LRRC42: variants seen among roughly 807,000 people sequenced by gnomAD.
The protein encoded by LRRC42 is leucine rich repeat containing 42.
Under a neutral mutation model 44.3 loss-of-function variants are expected in LRRC42, and 43 were observed. The observed-to-expected ratio is 0.97, with a 90% CI of 0.76 to 1.25. The LOEUF (loss-of-function observed/expected upper bound fraction) is 1.25, where lower values mean the gene tolerates loss of function less well. Ranked by LOEUF, LRRC42 falls within the 50% of genes most tolerant of loss-of-function variation. The pLI is 0.00. For missense variants in LRRC42, 540 were observed against 509.1 expected, an observed-to-expected ratio of 1.06 and a Z score of -0.58; for synonymous variants, 207 against 195.2, an observed-to-expected ratio of 1.06 and a Z score of -0.50.
intron 2 of LRRC42, among the ~76,000 whole-genome samples, chr1:53,950,807 A>G (rs1228641886): frequency 1.3e-5 from 2 of 152,238 alleles, no homozygotes; most frequent in African/African-American, 4.8e-5. Context: ...GAAATGCCCA[A>G]CTGTTTGACT....
At position 53,952,462 on chromosome 1, in the gene LRRC42, T is replaced by C. The variant is rs751305454; in HGVS notation, c.463T>C (p.Leu155=). ...YGSLVLCSLC[L]RNRYLVISEK... is the part of the protein sequence containing the mutation. ...AAGTTTGGTGCTTTGCTCCCTGTGTTTGCGAAACAGGTGGGTGTTCTGATT... is the reference window on the plus strand; with the variant it reads ...AAGTTTGGTGCTTTGCTCCCTGTGTCTGCGAAACAGGTGGGTGTTCTGATT... Residue 155 remains leucine, a synonymous_variant, in exon 3 of 9, where the codon TTG becomes CTG. Coordinates refer to ENST00000371370, the MANE Select transcript of LRRC42 (RefSeq NM_001256409.2). 6.3e-7 allele frequency: 1 copy of C among 1,594,320 alleles called. No individual in the cohort carries two copies. The highest frequency in any genetic ancestry group is 8.6e-7 in the Non-Finnish European group (1 of 1,165,910).
At chr1:53,947,843 C>T (rs113876827) in intron 2 of LRRC42, 22 bp downstream of exon 2, 8,634 of 152,088 alleles carry the variant, frequency 0.057, 342 homozygotes, top group Non-Finnish European at 0.086. Context: ...TAATTTTTCA[C>T]ATTTTTTTTA....
intron 2 of LRRC42, among the ~76,000 whole-genome samples, chr1:53,948,515 A>T (rs1654588115): frequency 6.6e-6 from 1 of 152,172 alleles, no homozygotes; most frequent in Admixed American, 6.5e-5. Context: ...AACATACATG[A>T]TTGTAATATT....
At chr1:53,958,056 G>A in intron 3 of LRRC42, 93 bp from the exon 4 acceptor site, 1 of 1,524,284 alleles carries the variant, frequency 6.6e-7, no homozygotes, top group Non-Finnish European at 9.0e-7. Context: ...GTCCTGATGG[G>A]ATGGTAGGAT....
intron 5 of LRRC42, 70 bp downstream of exon 5, chr1:53,960,544 C>A (rs900602528): frequency 2.7e-6 from 3 of 1,131,716 alleles, no homozygotes; most frequent in African/African-American, 3.1e-5. Context: ...TGTAGTTCTT[C>A]CTCTTCATTT....
intron 7 of LRRC42, among the ~76,000 whole-genome samples, chr1:53,964,998 GTTTTTTTTTGTTT>G (rs1320931022): frequency 2.3e-5 from 3 of 131,846 alleles, no homozygotes; most frequent in Non-Finnish European, 1.5e-5. Flanking sequence ...GAACTGTATT[GTTTTTTTTTGTTT>G]TTTTTTTTTT....
At chr1:53,958,530 T>A (rs1159469836) in intron 4 of LRRC42, among the ~76,000 whole-genome samples, 1 of 152,236 alleles carries the variant, frequency 6.6e-6, no homozygotes, top group Non-Finnish European at 1.5e-5. Flanking sequence ...TTTTAATATG[T>A]AATACTTGAA....
intron 2 of LRRC42, chr1:53,948,038 A>C (rs566698635): frequency 6.6e-6 from 1 of 152,194 alleles, no homozygotes; most frequent in East Asian, 1.9e-4. Flanking sequence ...TACTGACCTC[A>C]TAGGATCATT....
intron 2 of LRRC42, among the ~76,000 whole-genome samples, chr1:53,948,241 GC>G (rs900239638): frequency 1.2e-4 from 18 of 152,164 alleles, no homozygotes; most frequent in African/African-American, 4.3e-4. Flanking sequence ...CTTCAAATTA[GC>G]CGTAGATTCA....
intron 7 of LRRC42, 83 bp downstream of exon 7, chr1:53,962,492 G>A: frequency 1.2e-6 from 1 of 850,334 alleles, no homozygotes; most frequent in Non-Finnish European, 2.0e-6. Context: ...TGAATAAACA[G>A]TAATCCACTT....
At chr1:53,948,872 G>C (rs114073924) in intron 2 of LRRC42, among the ~76,000 whole-genome samples, 4 of 152,170 alleles carry the variant, frequency 2.6e-5, no homozygotes, top group East Asian at 3.8e-4. Context: ...CTTAGGTCAT[G>C]TTACATACCT....
At chr1:53,966,727 A>G (rs961240104) in intron 8 of LRRC42, among the ~76,000 whole-genome samples, 2 of 152,174 alleles carry the variant, frequency 1.3e-5, no homozygotes, top group African/African-American at 4.8e-5. Flanking sequence ...AAATGGATAA[A>G]CAAAATGTGA....
Position 53,955,049 on chromosome 1 carries a change from T to C in LRRC42, c.473+2577T>C, listed in dbSNP as rs530697090. Among the ~76,000 whole-genome samples the C allele has an allele frequency of 4.6e-5, 7 of 152,298 alleles. No individual in the cohort carries two copies. In the East Asian group the frequency reaches 1.3e-3, roughly 29 times the overall value. ...AGTTGGTTAAGCAAATTATAGTATA[T>C]TTATATGATGAAATATTATGTAACT... On this transcript the variant is annotated intron_variant, in intron 3 of 8. Transcript: ENST00000371370.
chr1:53,952,969 A>T (rs1654734455), intron 3 of LRRC42, among the ~76,000 whole-genome samples: 1 of 152,240 alleles, frequency 6.6e-6, no homozygotes, highest in Non-Finnish European at 1.5e-5. Flanking sequence ...GGTCTTAACA[A>T]AGCAGATATT....
At chr1:53,963,866 T>C (rs1416340220) in intron 7 of LRRC42, among the ~76,000 whole-genome samples, 3 of 152,328 alleles carry the variant, frequency 2.0e-5, no homozygotes, top group East Asian at 3.9e-4. Flanking sequence ...AGCCCTTTTT[T>C]TCTTTTTTAA....
intron 7 of LRRC42, among the ~76,000 whole-genome samples, chr1:53,965,007 T>C (rs980931099): frequency 8.9e-6 from 1 of 112,862 alleles, no homozygotes; most frequent in Non-Finnish European, 1.9e-5. Flanking sequence ...TGTTTTTTTT[T>C]GTTTTTTTTT....
chr1:53,957,421 C>T (rs1326347407), intron 3 of LRRC42, among the ~76,000 whole-genome samples: 2 of 152,192 alleles, frequency 1.3e-5, no homozygotes, highest in Non-Finnish European at 2.9e-5. Context: ...GGTGGAGGCC[C>T]CAGCCTGGGC....
At chr1:53,951,698 T>G (rs1285364791) in intron 2 of LRRC42, among the ~76,000 whole-genome samples, 1 of 152,202 alleles carries the variant, frequency 6.6e-6, no homozygotes, top group East Asian at 1.9e-4. Context: ...GTGCTGAGAT[T>G]ACAGGCGTGA....
At chr1:53,951,912 G>A in intron 2 of LRRC42, 74 bp from the exon 3 acceptor site, 7 of 1,201,886 alleles carry the variant, frequency 5.8e-6, no homozygotes, top group Non-Finnish European at 8.1e-6. Flanking sequence ...AAAGCCCTGG[G>A]CACAGCAAGA....
Sources: allele counts gnomAD v4.1 joint callset (sites outside exome capture counted in the v4.1 genomes callset), GRCh38; gene constraint gnomAD v4.1.1; transcripts MANE v1.5; gene names NCBI Gene and HGNC (gene_info 2026-07-23, HGNC 2026-07-21).